SMIM13: variants seen among roughly 807,000 people sequenced by gnomAD.
The protein encoded by SMIM13 is small integral membrane protein 13.
In SMIM13, 3 loss-of-function variants were observed where a neutral mutation model predicts 5.9. The ratio of observed to expected loss-of-function variants is 0.51; its 90% CI spans 0.23 to 1.31. The LOEUF is 1.31. SMIM13 is among the 40% of genes most tolerant of loss of function. The pLI is 0.18. For synonymous variants in SMIM13, 55 were observed against 46.0 expected (o/e 1.19, Z -0.79); for missense variants, 85 against 109.9 (o/e 0.77, Z 1.01).
Position 11,114,154 on chromosome 6 carries a change from A to G in SMIM13, c.76+19765A>G, listed in dbSNP as rs542454876. Among the ~76,000 whole-genome samples the G allele has an allele frequency of 4.4e-4, 67 of 150,626 alleles. 1 individual carries two copies. Among genetic ancestry groups the G allele is most frequent in the Admixed American group, 3.0e-3 (46 of 15,108 alleles). On this transcript the variant is annotated intron_variant, in intron 1 of 1. Transcript: ENST00000416247. ...GCCACCACGCCTGGCTGATTTTTGT[A>G]TTTTTAGTAGAGATGGGATTTCACC...
chr6:11,114,298 A>C (rs1271439011), intron 1 of SMIM13, among the ~76,000 whole-genome samples: 1 of 151,958 alleles, frequency 6.6e-6, no homozygotes, highest in Non-Finnish European at 1.5e-5. Flanking sequence ...CAATGTGTAC[A>C]TTTGTCTTTT....
intron 1 of SMIM13, chr6:11,104,858 T>C: frequency 6.2e-7 from 1 of 1,614,230 alleles, no homozygotes; most frequent in Non-Finnish European, 8.5e-7. Flanking sequence ...GGTTAGAATC[T>C]ACAGTGAAAG....
At chr6:11,129,905 A>C (rs1758429335) in intron 1 of SMIM13, among the ~76,000 whole-genome samples, 1 of 152,114 alleles carries the variant, frequency 6.6e-6, no homozygotes, top group African/African-American at 2.4e-5. Flanking sequence ...GGGCTTTAAT[A>C]ATGGTTTTTT....
chr6:11,116,982 CTTTTTT>C (rs68092921), intron 1 of SMIM13, among the ~76,000 whole-genome samples: 11 of 46,446 alleles, frequency 2.4e-4, no homozygotes, highest in African/African-American at 4.5e-4. Flanking sequence ...ATAATTGTTT[CTTTTTT>C]TTTTTTTTTT....
At chr6:11,094,713 G>A (rs1757900746) in intron 1 of SMIM13, among the ~76,000 whole-genome samples, 1 of 152,166 alleles carries the variant, frequency 6.6e-6, no homozygotes, top group Non-Finnish European at 1.5e-5. Context: ...GCCTGCATTC[G>A]AAGGTGAAGT....
chr6:11,134,538 AC>A lies in SMIM13; in HGVS notation c.213del (p.His71GlnfsTer20). The A allele has an allele frequency of 6.4e-7, 1 of 1,550,830 alleles. No individual in the cohort carries two copies. Among genetic ancestry groups the A allele is most frequent in the Non-Finnish European group, 8.7e-7 (1 of 1,146,448 alleles). On this transcript the variant is annotated frameshift_variant, in exon 2 of 2. Coordinates refer to ENST00000416247, the MANE Select transcript of SMIM13 (RefSeq NM_001135575.2). LOFTEE classifies it high-confidence loss of function. Reference protein sequence around the residue: ...ETEEDTSSSPHRIRSARQRRA... With the variant: ...ETEEDTSSSPXRIRSARQRRA... ...GAAGAAGACACTTCCTCCTCTCCAC[AC>A]AGAATCAGATCCGCTCGCCAAAGGA...
At chr6:11,105,985 T>C (rs1758077636) in intron 1 of SMIM13, among the ~76,000 whole-genome samples, 1 of 152,166 alleles carries the variant, frequency 6.6e-6, no homozygotes, top group African/African-American at 2.4e-5. Flanking sequence ...CCCATGGCTG[T>C]GCTGTTTCCT....
At chr6:11,117,422 G>A (rs185067632) in intron 1 of SMIM13, among the ~76,000 whole-genome samples, 1 of 151,180 alleles carries the variant, frequency 6.6e-6, no homozygotes, top group Non-Finnish European at 1.5e-5. Context: ...TGATCCGCCT[G>A]CCTTGGCCTC....
chr6:11,105,132 G>T (rs1468501051), intron 1 of SMIM13: 1 of 1,614,190 alleles, frequency 6.2e-7, no homozygotes, highest in Admixed American at 1.7e-5. Context: ...TCTGGGCGAG[G>T]CTGGATAAGC....
At chr6:11,129,078 C>A (rs377300386) in intron 1 of SMIM13, among the ~76,000 whole-genome samples, 20 of 149,044 alleles carry the variant, frequency 1.3e-4, no homozygotes, top group African/African-American at 4.9e-4. Context: ...CTACCGGGAG[C>A]GGGGGGGGGA....
chr6:11,094,464 GT>G (rs144395315), intron 1 of SMIM13, 75 bp downstream of exon 1: 13 of 1,243,452 alleles, frequency 1.0e-5, no homozygotes, highest in East Asian at 2.6e-5. Flanking sequence ...TTTGTTGTTT[GT>G]TTTTTTGAAA....
intron 1 of SMIM13, among the ~76,000 whole-genome samples, chr6:11,100,895 T>C (rs1757981969): frequency 6.6e-6 from 1 of 152,158 alleles, no homozygotes; most frequent in Non-Finnish European, 1.5e-5. Context: ...TTTTTGTCAT[T>C]GTATACTGAA....
At chr6:11,102,712 G>A (rs1323467267) in intron 1 of SMIM13, 1 of 152,184 alleles carries the variant, frequency 6.6e-6, no homozygotes, top group East Asian at 1.9e-4. Context: ...ACACTGAGTC[G>A]GGTGTTAGTT....
At chr6:11,127,409 A>C in intron 1 of SMIM13, among the ~76,000 whole-genome samples, 1 of 152,238 alleles carries the variant, frequency 6.6e-6, no homozygotes, top group East Asian at 1.9e-4. Flanking sequence ...CCCTAGGCCC[A>C]CAGGGACTAC....
rs58585640 is a variant in SMIM13 at position 11,114,592 on chromosome 6, C to CTTTTTTTTTTT, written c.77-19797_77-19787dup. Among the ~76,000 whole-genome samples, 36 of 21,844 alleles carry CTTTTTTTTTTT rather than the reference C, an allele frequency of 1.6e-3. 3 individuals are homozygous for CTTTTTTTTTTT. The highest frequency in any genetic ancestry group is 2.1e-3 in the Non-Finnish European group (28 of 13,554). The allele number at this position is 21,844 out of a possible 152,430, so 14.3% of individuals were successfully genotyped here. A position where few individuals can be genotyped will look rare whatever the true frequency, so the allele number is the denominator to read the frequency against. On this transcript the variant is annotated intron_variant, in intron 1 of 1. Coordinates refer to ENST00000416247, the MANE Select transcript of SMIM13 (RefSeq NM_001135575.2). Reference sequence around the variant, plus strand: ...ATTGAGATGGTCATGCACTTTTTCTCTTTTTTTTTTTTTTTTTTTTTTTTG... The same window carrying CTTTTTTTTTTT: ...ATTGAGATGGTCATGCACTTTTTCTCTTTTTTTTTTTTTTTTTTTTTTTTTTTTTTTTTTTG...
chr6:11,105,356 TC>T, intron 1 of SMIM13: 1 of 1,440,720 alleles, frequency 6.9e-7, no homozygotes, highest in Non-Finnish European at 9.6e-7. Flanking sequence ...CCAATGGAAC[TC>T]CTGGTGGTGT....
At chr6:11,129,930 G>A (rs1242593165) in intron 1 of SMIM13, among the ~76,000 whole-genome samples, 1 of 152,082 alleles carries the variant, frequency 6.6e-6, no homozygotes, top group Non-Finnish European at 1.5e-5. Context: ...CAAAACAGAT[G>A]TGTCATGTGT....
chr6:11,121,335 G>A (rs1203152516), intron 1 of SMIM13, among the ~76,000 whole-genome samples: 1 of 152,172 alleles, frequency 6.6e-6, no homozygotes, highest in Non-Finnish European at 1.5e-5. Context: ...TCTGATATGT[G>A]CACTTTGGGT....
At chr6:11,105,065 CA>C in intron 1 of SMIM13, 1 of 1,614,192 alleles carries the variant, frequency 6.2e-7, no homozygotes, top group South Asian at 1.1e-5. Flanking sequence ...TCAGTCCTTT[CA>C]GATTAGGGTC....
Sources: gnomAD v4.1 joint callset for allele counts (sites outside exome capture counted in the v4.1 genomes callset) on GRCh38, gnomAD v4.1.1 for gene constraint, MANE v1.5 for transcripts, NCBI Gene and HGNC (gene_info 2026-07-23, HGNC 2026-07-21) for gene names.